MYCBP2: variants seen among roughly 807,000 people sequenced by gnomAD.
MYCBP2 encodes MYC binding protein 2, also known as E3 ubiquitin-protein ligase MYCBP2.
In MYCBP2, 120 loss-of-function variants were observed where a neutral mutation model predicts 525.3. The observed-to-expected ratio is 0.23, with a 90% CI of 0.20 to 0.27. The LOEUF (loss-of-function observed/expected upper bound fraction) is 0.27. MYCBP2 is among the 10% of genes least tolerant of loss of function. The pLI is 1.00. For synonymous variants in MYCBP2, 1,894 were observed against 1,955.8 expected (o/e 0.97, Z 0.83); for missense variants, 4,149 against 5,657.1 (o/e 0.73, Z 8.55).
At position 77,185,211 on chromosome 13, in the gene MYCBP2, A is replaced by G. The variant is rs767338187; in HGVS notation, c.4611T>C (p.Ala1537=). The change falls in exon 32 of 83, where the codon GCT becomes GCC. Residue 1537 remains alanine, a synonymous_variant. Transcript: ENST00000544440. The part of the protein sequence containing the change: ...YLSQPLSLLE[A]VLQECHNTFT... ...AAGTATTATGACATTCCTGAAGGAC[A>G]GCTTCTAGAAGACTCAAGGGTTGAC... is the stretch of plus-strand genomic sequence containing the variant. The G allele has an allele frequency of 3.1e-6, 5 of 1,614,156 alleles. No individual in the cohort carries two copies. The Admixed American group carries it at 8.3e-5, about 27-fold the overall frequency.
Position 77,206,644 on chromosome 13 carries a change from CA to C in MYCBP2, c.3589+8del. On this transcript the variant is annotated splice_region_variant and intron_variant, in intron 24 of 82. Transcript: ENST00000544440. ...TGTGAATTAATGGTACATCAAATCGCAACCCTACCTAAAATGTGCAAAGCTG... is the reference window on the plus strand; with the variant it reads ...TGTGAATTAATGGTACATCAAATCGCACCCTACCTAAAATGTGCAAAGCTG... The C allele has an allele frequency of 6.4e-7, 1 of 1,558,060 alleles. No individual in the cohort carries two copies. The highest frequency in any genetic ancestry group is 8.7e-7 in the Non-Finnish European group (1 of 1,150,702).
rs112444395 is a variant in MYCBP2, at chr13:77,116,140, G to A, written c.8140+5233C>T. 2.0e-3 allele frequency among the ~76,000 whole-genome samples: 300 copies of A among 152,006 alleles called. 2 individuals are homozygous for A. Among genetic ancestry groups the A allele is most frequent in the African/African-American group, 5.3e-3 (219 of 41,534 alleles). On this transcript the variant is annotated intron_variant, in intron 55 of 82. Transcript: ENST00000544440. ...AGACATAAGAGACAGTATCTCAAAT[G>A]AGGCTGTATCAAAGTGCTTAAGTAC... is the stretch of plus-strand genomic sequence containing the variant.
At chr13:77,108,782 C>T (rs2048279662) in intron 55 of MYCBP2, among the ~76,000 whole-genome samples, 1 of 151,842 alleles carries the variant, frequency 6.6e-6, no homozygotes, top group South Asian at 2.1e-4. Context: ...CAGCTCACTG[C>T]AAGCTCTGCC....
At chr13:77,213,401 G>A (rs536567705) in intron 21 of MYCBP2, among the ~76,000 whole-genome samples, 3 of 152,208 alleles carry the variant, frequency 2.0e-5, no homozygotes, top group African/African-American at 7.2e-5. Flanking sequence ...CTTGAATCTG[G>A]GAGCCGGAGG....
In MYCBP2 at chr13:77,261,352, C is replaced by A; in HGVS notation, c.1671G>T (p.Gln557His). The change falls in exon 12 of 83, where the codon CAG becomes CAT. Residue 557 changes from glutamine to histidine, a missense_variant. By Grantham distance (24) the Gln-to-His change is conservative. This residue lies in a region of MYCBP2 where 262 missense variants were observed against 419.3 expected (regional missense o/e 0.62). Transcript: ENST00000544440. ...NGKIYYTGKYQSLGIKQGGPS... is the reference protein window; with the variant it reads ...NGKIYYTGKYHSLGIKQGGPS... Reference sequence around the variant, plus strand: ...GACCACCTTGTTTGATTCCAAGACTCTGGTATTTGCCAGTGTAATATATCT... The same window carrying A: ...GACCACCTTGTTTGATTCCAAGACTATGGTATTTGCCAGTGTAATATATCT... The A allele has an allele frequency of 6.2e-7, 1 of 1,608,534 alleles. No homozygotes were observed. The highest frequency in any genetic ancestry group is 8.5e-7 in the Non-Finnish European group (1 of 1,178,700).
At chr13:77,241,290 T>C (rs544353113) in intron 17 of MYCBP2, among the ~76,000 whole-genome samples, 10 of 152,164 alleles carry the variant, frequency 6.6e-5, no homozygotes, top group Non-Finnish European at 1.3e-4. Context: ...TAGAGAAGAA[T>C]AGCTTTTTTA....
chr13:77,263,806 A>T lies in MYCBP2; in HGVS notation c.1432-17T>A. On this transcript the variant is annotated splice_polypyrimidine_tract_variant and intron_variant, in intron 9 of 82. Transcript: ENST00000544440. ...AAAGCCATCCTAAGAAAAATAAAAC[A>T]TCCACAGCATTACATTACATAAAGA... is the stretch of plus-strand genomic sequence containing the variant. The T allele has an allele frequency of 6.2e-7, 1 of 1,612,610 alleles. No homozygotes were observed. Among genetic ancestry groups the T allele is most frequent in the Non-Finnish European group, 8.5e-7 (1 of 1,179,162 alleles).
rs767157165 is a variant in MYCBP2, at chr13:77,093,242, C to T, written c.10290G>A (p.Pro3430=). Reference sequence around the variant, plus strand: ...TTGCATCAGGAGTTACTGATATATACGGGGCAGGTACAGATGTTGAACGTA... The same window carrying T: ...TTGCATCAGGAGTTACTGATATATATGGGGCAGGTACAGATGTTGAACGTA... The part of the protein sequence containing the change: ...RYLRSTSVPA[P]YISVTPDASP... The change falls in exon 59 of 83, where the codon CCG becomes CCA. Residue 3430 remains proline, a synonymous_variant. Transcript: ENST00000544440. 6.8e-6 allele frequency: 11 copies of T among 1,613,312 alleles called. No homozygotes were observed. Among genetic ancestry groups the T allele is most frequent in the Middle Eastern group, 3.3e-4 (2 of 6,054 alleles).
At chr13:77,207,052 A>G (rs543715461) in intron 23 of MYCBP2, among the ~76,000 whole-genome samples, 1 of 152,348 alleles carries the variant, frequency 6.6e-6, no homozygotes, top group East Asian at 1.9e-4. Context: ...TAATACAGAA[A>G]ATAGTAATGT....
intron 65 of MYCBP2, among the ~76,000 whole-genome samples, chr13:77,079,472 G>A (rs779858625): frequency 8.5e-5 from 13 of 152,196 alleles, no homozygotes; most frequent in Non-Finnish European, 1.3e-4. Context: ...TAAGTTTTAC[G>A]CAAAGCACAT....
chr13:77,257,367 T>TA (rs1355016523), intron 14 of MYCBP2, among the ~76,000 whole-genome samples: 1 of 152,050 alleles, frequency 6.6e-6, no homozygotes, highest in Non-Finnish European at 1.5e-5. Context: ...TTGTATACTT[T>TA]AACAACTGAG....
At chr13:77,152,488 A>C (rs928698243) in intron 46 of MYCBP2, among the ~76,000 whole-genome samples, 1 of 152,204 alleles carries the variant, frequency 6.6e-6, no homozygotes, top group Non-Finnish European at 1.5e-5. Flanking sequence ...ACCCTAAATG[A>C]GAACAGTTTA....
At chr13:77,202,143 A>G (rs1159140411) in intron 26 of MYCBP2, among the ~76,000 whole-genome samples, 3 of 152,148 alleles carry the variant, frequency 2.0e-5, no homozygotes, top group Non-Finnish European at 2.9e-5. Flanking sequence ...TAGACCGCTA[A>G]CAAGACTAAT....
intron 39 of MYCBP2, among the ~76,000 whole-genome samples, chr13:77,169,395 C>CAAA (rs371575329): frequency 1.2e-4 from 4 of 33,708 alleles, no homozygotes; most frequent in Admixed American, 2.7e-4. Context: ...GACTCCGTCT[C>CAAA]AAAAAAAAAA....
At chr13:77,261,105 A>C in intron 12 of MYCBP2, 66 bp downstream of exon 12, 1 of 1,304,284 alleles carries the variant, frequency 7.7e-7, no homozygotes. Flanking sequence ...TATCTTAATA[A>C]AGTTTTATTT....
chr13:77,251,807 AG>A, intron 14 of MYCBP2, among the ~76,000 whole-genome samples: 1 of 152,310 alleles, frequency 6.6e-6, no homozygotes, highest in African/African-American at 2.4e-5. Context: ...GGTCTTCAGA[AG>A]AACAAAACTC....
At chr13:77,102,686 G>A (rs1207225902) in intron 55 of MYCBP2, among the ~76,000 whole-genome samples, 1 of 151,490 alleles carries the variant, frequency 6.6e-6, no homozygotes, top group Admixed American at 6.6e-5. Flanking sequence ...TGCCAGATAG[G>A]ACAGGTAGGT....
intron 45 of MYCBP2, 79 bp from the exon 46 acceptor site, chr13:77,156,281 A>G: frequency 1.5e-6 from 2 of 1,358,014 alleles, no homozygotes; most frequent in Non-Finnish European, 2.0e-6. Context: ...AATTAAGCCA[A>G]ATGAACAAAA....
chr13:77,102,826 G>A (rs2154135058), intron 55 of MYCBP2, among the ~76,000 whole-genome samples: 1 of 151,812 alleles, frequency 6.6e-6, no homozygotes, highest in South Asian at 2.1e-4. Flanking sequence ...ATAACAATAA[G>A]TTTAAGACTA....
Sources: allele counts gnomAD v4.1 joint callset (sites outside exome capture counted in the v4.1 genomes callset), GRCh38; gene constraint gnomAD v4.1.1; regional missense constraint gnomAD v4.1.1; transcripts MANE v1.5; gene names NCBI Gene and HGNC (gene_info 2026-07-23, HGNC 2026-07-21).